Variants in SPAG17 observed in about 807,000 individuals in gnomAD.
SPAG17 encodes the protein sperm-associated antigen 17.
A neutral mutation model predicts 273.6 loss-of-function variants in SPAG17; 169 were observed. The observed-to-expected ratio is 0.62, with a 90% CI of 0.55 to 0.70. The LOEUF (loss-of-function observed/expected upper bound fraction) is 0.70. Among genes scored for constraint, SPAG17 ranks in the 30% least tolerant of loss-of-function variants. SPAG17 has a pLI of 0.00. For missense variants in SPAG17, 2,557 were observed against 2,627.8 expected (o/e 0.97, Z 0.59); for synonymous variants, 825 against 873.2 (o/e 0.94, Z 0.97).
chr1:117,962,585 T>A (rs930833615), intron 48 of SPAG17: 1 of 150,850 alleles, frequency 6.6e-6, no homozygotes, highest in Non-Finnish European at 1.5e-5. Flanking sequence ...GTATTGGGAG[T>A]AAAACATTTA....
chr1:118,123,643 A>T (rs1657542895), intron 3 of SPAG17, among the ~76,000 whole-genome samples: 1 of 152,178 alleles, frequency 6.6e-6, no homozygotes, highest in African/African-American at 2.4e-5. Context: ...TCCATAATTA[A>T]ACTGGTATCC....
At chr1:118,017,063 C>T (rs752079535) in intron 28 of SPAG17, among the ~76,000 whole-genome samples, 4 of 152,106 alleles carry the variant, frequency 2.6e-5, no homozygotes, top group African/African-American at 7.2e-5. Context: ...GCATGCATCT[C>T]GGCCTAACTG....
rs1291282625 is a variant in SPAG17, at chr1:118,115,291, C to T, written c.447+19G>A. 1 of 1,610,530 alleles carries T rather than the reference C, an allele frequency of 6.2e-7. No individual in the cohort carries two copies. The highest frequency in any genetic ancestry group is 1.1e-5 in the South Asian group (1 of 90,728). On this transcript the variant is annotated intron_variant, in intron 4 of 48. Transcript: ENST00000336338. ...TCACCACTTGCCCTCTTTAGAAAACCCACCAGATCGTACAGTACCTTCTTT... is the reference window on the plus strand; with the variant it reads ...TCACCACTTGCCCTCTTTAGAAAACTCACCAGATCGTACAGTACCTTCTTT...
chr1:118,102,006 T>C, intron 4 of SPAG17, 80 bp from the exon 5 acceptor site: 1 of 1,144,124 alleles, frequency 8.7e-7, no homozygotes, highest in South Asian at 1.4e-5. Context: ...GAATTAATTC[T>C]TCATCTCATT....
intron 42 of SPAG17, 57 bp from the exon 43 acceptor site, chr1:117,981,458 T>C: frequency 6.6e-7 from 1 of 1,511,798 alleles, no homozygotes; most frequent in South Asian, 1.3e-5. Context: ...ATATAATGAC[T>C]ACTAATGTTT....
intron 43 of SPAG17, among the ~76,000 whole-genome samples, chr1:117,976,060 G>A (rs1423111874): frequency 6.6e-6 from 1 of 152,124 alleles, no homozygotes; most frequent in Non-Finnish European, 1.5e-5. Flanking sequence ...TTTAAATAAT[G>A]TGCCCAGTGT....
chr1:118,031,861 T>C lies in SPAG17; in HGVS notation c.3440A>G (p.Lys1147Arg). 1 of 1,592,520 alleles carries C rather than the reference T, an allele frequency of 6.3e-7. No individual in the cohort carries two copies. The highest frequency in any genetic ancestry group is 2.2e-5 in the East Asian group (1 of 44,652). Reference sequence around the variant, plus strand: ...CAATATTGTTTCTAAATCAGGATCCTTATCTTCTATAAGCAGAAAAAGTAA... The same window carrying C: ...CAATATTGTTTCTAAATCAGGATCCCTATCTTCTATAAGCAGAAAAAGTAA... ...YGSNGMAPED[K>R]DPDLETILNI... The change falls in exon 25 of 49, where the codon AAG becomes AGG. Residue 1147 changes from lysine to arginine, a missense_variant. Transcript: ENST00000336338.
chr1:118,060,726 C>T (rs936713800), intron 18 of SPAG17, among the ~76,000 whole-genome samples: 4 of 152,108 alleles, frequency 2.6e-5, no homozygotes, highest in Admixed American at 6.5e-5. Flanking sequence ...GTGATGAACT[C>T]CCTCAGCTTT....
intron 24 of SPAG17, 119 bp downstream of exon 24, chr1:118,036,651 A>T: frequency 2.9e-6 from 2 of 686,998 alleles, no homozygotes; most frequent in Non-Finnish European, 5.0e-6. Flanking sequence ...CCTGCAGGAA[A>T]AACAATGAGG....
At position 118,086,910 on chromosome 1, in the gene SPAG17, G is replaced by T. The variant is rs1655040009; in HGVS notation, c.1458C>A (p.Ser486=). 1 of 1,613,298 alleles carries T rather than the reference G, an allele frequency of 6.2e-7. No homozygotes were observed. The highest frequency in any genetic ancestry group is 8.5e-7 in the Non-Finnish European group (1 of 1,179,822). ...CTGAGAGACAGAGTGAGGGCAGAAG[G>T]GACACAATGTGAGCTGCGATTCTGT... is the stretch of plus-strand genomic sequence containing the variant. ...LDHRIAAHIV[S]LLPSLCLSER... The change falls in exon 11 of 49, where the codon TCC becomes TCA. Residue 486 remains serine (S), a synonymous_variant. Coordinates refer to ENST00000336338, the MANE Select transcript of SPAG17 (RefSeq NM_206996.4).
At chr1:118,101,691 A>T (rs1656073018) in intron 5 of SPAG17, 49 bp downstream of exon 5, 1 of 1,556,822 alleles carries the variant, frequency 6.4e-7, no homozygotes, top group Non-Finnish European at 8.7e-7. Context: ...TTTTATTGCC[A>T]CTGTGTTTCA....
At chr1:118,172,366 G>A (rs557454031) in intron 1 of SPAG17, among the ~76,000 whole-genome samples, 1 of 152,036 alleles carries the variant, frequency 6.6e-6, no homozygotes, top group African/African-American at 2.4e-5. Context: ...GTAGTGGGTC[G>A]GGCTGGGTTA....
chr1:118,102,197 G>A (rs1006831610), intron 4 of SPAG17, among the ~76,000 whole-genome samples: 1 of 152,208 alleles, frequency 6.6e-6, no homozygotes, highest in Non-Finnish European at 1.5e-5. Context: ...GGAGAGCCAA[G>A]TGTGGCCTAA....
At chr1:118,143,476 T>C (rs1214731638) in intron 3 of SPAG17, among the ~76,000 whole-genome samples, 5 of 152,020 alleles carry the variant, frequency 3.3e-5, no homozygotes, top group South Asian at 4.2e-4. Flanking sequence ...GGCGGGAGGA[T>C]AGCTTGAACC....
In SPAG17 at chr1:118,005,602, C is replaced by A. The variant is rs546156894; in HGVS notation, c.4588G>T (p.Val1530Leu). The A allele has an allele frequency of 3.4e-6, 5 of 1,456,032 alleles. No individual in the cohort carries two copies. The highest frequency in any genetic ancestry group is 3.2e-5 in the South Asian group (2 of 62,752). 90.2% of individuals were successfully genotyped at this position (1,456,032 alleles called of 1,614,324 possible). The stretch of plus-strand genomic sequence containing the variant: ...AGAGAGCCTGTGTTTGGAGGTAACA[C>A]CTGAAAGAGTAACAGAAAGACAGAA... ...IIAKPQGTYQ[V>L]LPPNTGSLYI... The change falls in exon 32 of 49, where the codon GTG becomes TTG. Residue 1530 changes from valine (V) to leucine (L), a missense_variant and splice_region_variant. Coordinates refer to ENST00000336338, the MANE Select transcript of SPAG17 (RefSeq NM_206996.4).
At position 117,953,795 on chromosome 1, in the gene SPAG17, T is replaced by C; in HGVS notation, c.*255A>G. 1.7e-6 allele frequency: 1 copy of C among 601,802 alleles called. No individual in the cohort carries two copies. Among genetic ancestry groups the C allele is most frequent in the Non-Finnish European group, 2.9e-6 (1 of 344,570 alleles). 37.3% of individuals were successfully genotyped at this position (601,802 alleles called of 1,614,324 possible). ...CAGAGTGTCTAGATATCATCCCACC[T>C]GAGTCCATGACACTCAGTCTCTTCC... On this transcript the variant is annotated 3_prime_UTR_variant, in exon 49 of 49. Transcript: ENST00000336338.
chr1:118,032,232 T>C (rs1648559279), intron 24 of SPAG17, among the ~76,000 whole-genome samples: 1 of 151,964 alleles, frequency 6.6e-6, no homozygotes, highest in African/African-American at 2.4e-5. Context: ...CAGAAAATAA[T>C]GAAAAAAATG....
intron 1 of SPAG17, among the ~76,000 whole-genome samples, chr1:118,176,038 A>C (rs1276304290): frequency 6.6e-6 from 1 of 152,168 alleles, no homozygotes; most frequent in African/African-American, 2.4e-5. Context: ...TTTCTAAGCT[A>C]AGTGATCATC....
Position 117,973,517 on chromosome 1 carries a change from G to A in SPAG17, c.6049C>T (p.Leu2017=). ...CTTGTTTGTCCCGCAACATCCTGCA[G>A]CAAGGACTGGGTTGGAATTTTCACG... ...EPVKIPTQSL[L]QDVAGQTRKE... is the part of the protein sequence containing the mutation. The change falls in exon 44 of 49, where the codon CTG becomes TTG. Residue 2017 remains leucine, a synonymous_variant. Coordinates refer to ENST00000336338, the MANE Select transcript of SPAG17 (RefSeq NM_206996.4). 6.2e-7 allele frequency: 1 copy of A among 1,614,010 alleles called. No individual in the cohort carries two copies. The highest frequency in any genetic ancestry group is 8.5e-7 in the Non-Finnish European group (1 of 1,179,936).
Sources: gnomAD v4.1 joint callset for allele counts (sites outside exome capture counted in the v4.1 genomes callset) on GRCh38, gnomAD v4.1.1 for gene constraint, MANE v1.5 for transcripts, NCBI Gene and HGNC (gene_info 2026-07-23, HGNC 2026-07-21) for gene names.